Variants in SLC5A10 observed in about 807,000 individuals in gnomAD.
The protein encoded by SLC5A10 is solute carrier family 5 member 10.
A neutral mutation model predicts 68.9 loss-of-function variants in SLC5A10; 55 were observed. The ratio of observed to expected loss-of-function variants is 0.80; its 90% CI spans 0.64 to 1.00. SLC5A10 has a LOEUF of 1.00. SLC5A10 is among the 50% of genes least tolerant of loss of function. The probability of loss-of-function intolerance (pLI) is 0.00; values close to 1 mark genes in which losing one functional copy is unlikely to be tolerated. For synonymous variants in SLC5A10, 344 were observed against 344.8 expected (o/e 1.00, Z 0.02); for missense variants, 732 against 819.3 (o/e 0.89, Z 1.30).
At chr17:18,956,819 G>C (rs1407452383) in intron 1 of SLC5A10, among the ~76,000 whole-genome samples, 1 of 152,076 alleles carries the variant, frequency 6.6e-6, no homozygotes, top group Non-Finnish European at 1.5e-5. Flanking sequence ...CTAAAGACAG[G>C]CTTGAAAAAT....
chr17:18,978,079 G>A (rs774545395), intron 9 of SLC5A10: 3 of 1,516,258 alleles, frequency 2.0e-6, no homozygotes, highest in Non-Finnish European at 8.8e-7. Context: ...CCTCTTTGGG[G>A]AGCTCCAGGA....
chr17:18,958,757 A>G lies in SLC5A10; in HGVS notation c.183+4A>G, dbSNP rs752304432. On this transcript the variant is annotated splice_donor_region_variant and intron_variant, in intron 2 of 14. Transcript: ENST00000395645. The stretch of plus-strand genomic sequence containing the variant: ...CCGGGACATGACGTGGTGGCCGGTG[A>G]GTGCACCCTGACTTCTCACACACCC... The G allele has an allele frequency of 6.8e-6, 11 of 1,613,980 alleles. No individual in the cohort carries two copies. The highest frequency in any genetic ancestry group is 1.1e-5 in the South Asian group (1 of 91,080).
At chr17:18,962,802 G>C (rs1278669802) in intron 5 of SLC5A10, among the ~76,000 whole-genome samples, 1 of 152,098 alleles carries the variant, frequency 6.6e-6, no homozygotes, top group Non-Finnish European at 1.5e-5. Flanking sequence ...GTGAGGGAGG[G>C]AGACTGAGCC....
chr17:19,004,075 G>T lies in SLC5A10; in HGVS notation c.983-9335G>T. 9 of 1,551,712 alleles carry T rather than the reference G, an allele frequency of 5.8e-6. No individual in the cohort carries two copies. Among genetic ancestry groups the T allele is most frequent in the South Asian group, 1.2e-5 (1 of 80,972 alleles). On this transcript the variant is annotated intron_variant, in intron 9 of 14. Transcript: ENST00000395645. This position sits in a 1 kb window ranked among gnomAD's most constrained non-coding sequence, Gnocchi z 5.4. ...CTGCCCGGGCACTGCTGCCGGGGGT[G>T]GGTGGGCAAGGTCCAGCTCCTAGCT...
At chr17:18,965,859 C>G (rs2042698938) in intron 5 of SLC5A10, among the ~76,000 whole-genome samples, 1 of 152,192 alleles carries the variant, frequency 6.6e-6, no homozygotes, top group South Asian at 2.1e-4. Context: ...AAGGGCACGT[C>G]CTTGGGGCCC....
intron 9 of SLC5A10, among the ~76,000 whole-genome samples, chr17:18,982,983 T>A (rs1597859401): frequency 6.6e-6 from 1 of 152,186 alleles, no homozygotes; most frequent in Admixed American, 6.5e-5. Flanking sequence ...CCAGGGAAGG[T>A]GTCCAGCTCC....
At chr17:18,983,494 G>A (rs1199756332) in intron 9 of SLC5A10, among the ~76,000 whole-genome samples, 1 of 152,262 alleles carries the variant, frequency 6.6e-6, no homozygotes, top group Non-Finnish European at 1.5e-5. Context: ...TAGTTGAGTA[G>A]TTAGTGTGAA....
chr17:18,999,593 G>A (rs751944234), intron 9 of SLC5A10, among the ~76,000 whole-genome samples: 1 of 152,204 alleles, frequency 6.6e-6, no homozygotes, highest in Non-Finnish European at 1.5e-5. Flanking sequence ...TAAAGTGCCC[G>A]CTCAGCACCT....
intron 5 of SLC5A10, among the ~76,000 whole-genome samples, chr17:18,966,857 A>G (rs1044105317): frequency 1.3e-5 from 2 of 151,738 alleles, no homozygotes; most frequent in Non-Finnish European, 2.9e-5. Context: ...ATCCCGTGCC[A>G]GGGTGAGGGG....
intron 9 of SLC5A10, among the ~76,000 whole-genome samples, chr17:18,985,267 T>C (rs1457683229): frequency 2.6e-5 from 4 of 152,220 alleles, no homozygotes; most frequent in African/African-American, 9.6e-5. Flanking sequence ...TAAATGACCA[T>C]GTCCCCATTT....
intron 5 of SLC5A10, among the ~76,000 whole-genome samples, chr17:18,966,786 C>A (rs1348653275): frequency 1.3e-5 from 2 of 151,060 alleles, no homozygotes; most frequent in African/African-American, 4.8e-5. Flanking sequence ...GCGGTTGCTC[C>A]TGGGTCACTG....
At chr17:19,012,019 C>T (rs1597908485) in intron 9 of SLC5A10, among the ~76,000 whole-genome samples, 1 of 152,248 alleles carries the variant, frequency 6.6e-6, no homozygotes, top group East Asian at 1.9e-4. Flanking sequence ...TGCCCCTAAC[C>T]AGCCACTGCA....
At chr17:18,983,429 A>G (rs1019360571) in intron 9 of SLC5A10, among the ~76,000 whole-genome samples, 1 of 152,190 alleles carries the variant, frequency 6.6e-6, no homozygotes, top group African/African-American at 2.4e-5. Flanking sequence ...TTATAATGGA[A>G]GCCAGTGATT....
At chr17:18,963,563 G>C (rs1222988321) in intron 5 of SLC5A10, among the ~76,000 whole-genome samples, 1 of 152,272 alleles carries the variant, frequency 6.6e-6, no homozygotes, top group Non-Finnish European at 1.5e-5. Context: ...GGGCTACCCT[G>C]GCTGTTTGAA....
At chr17:18,983,617 A>G (rs1253054853) in intron 9 of SLC5A10, among the ~76,000 whole-genome samples, 1 of 152,200 alleles carries the variant, frequency 6.6e-6, no homozygotes, top group African/African-American at 2.4e-5. Flanking sequence ...AACAGAGCCC[A>G]ACATAGCAGC....
intron 10 of SLC5A10, among the ~76,000 whole-genome samples, chr17:19,014,301 A>T (rs1297861524): frequency 6.6e-6 from 1 of 152,040 alleles, no homozygotes; most frequent in Non-Finnish European, 1.5e-5. Flanking sequence ...GCATCCTTCC[A>T]CCTTCCTTAG....
chr17:18,978,528 C>T (rs1435809033), intron 9 of SLC5A10: 5 of 1,613,272 alleles, frequency 3.1e-6, no homozygotes, highest in Non-Finnish European at 4.2e-6. Flanking sequence ...TCAGCCAGCG[C>T]TGGGCCTTTC....
At chr17:18,978,086 A>C (rs748421854) in intron 9 of SLC5A10, 2 of 1,516,732 alleles carry the variant, frequency 1.3e-6, no homozygotes, top group East Asian at 4.5e-5. Flanking sequence ...GGGGAGCTCC[A>C]GGACCCAGCC....
chr17:19,012,848 G>A (rs1488237365), intron 9 of SLC5A10, among the ~76,000 whole-genome samples: 1 of 152,252 alleles, frequency 6.6e-6, no homozygotes, highest in Non-Finnish European at 1.5e-5. Flanking sequence ...CCTAAGCCAG[G>A]AAGTTGGAGC....
Sources: gnomAD v4.1 joint callset for allele counts (sites outside exome capture counted in the v4.1 genomes callset) on GRCh38, gnomAD v4.1.1 for gene constraint, Gnocchi (gnomAD v3.1) non-coding constraint, MANE v1.5 for transcripts, NCBI Gene and HGNC (gene_info 2026-07-23, HGNC 2026-07-21) for gene names.